Variants in TMEM132D observed in about 807,000 individuals in gnomAD.
The protein encoded by TMEM132D is mature OL transmembrane protein.
A neutral mutation model predicts 62.3 loss-of-function variants in TMEM132D; 21 were observed. The observed-to-expected ratio is 0.34, with a 90% CI of 0.24 to 0.49. The LOEUF (loss-of-function observed/expected upper bound fraction) is 0.49, where lower values mean the gene tolerates loss of function less well. Ranked by LOEUF, TMEM132D falls within the 20% of genes least tolerant of loss-of-function variation. The pLI is 0.99. For synonymous variants in TMEM132D, 621 were observed against 575.6 expected, an observed-to-expected ratio of 1.08 and a Z score of -1.13; for missense variants, 1,346 against 1,402.8, an observed-to-expected ratio of 0.96 and a Z score of 0.65.
intron 3 of TMEM132D, among the ~76,000 whole-genome samples, chr12:129,527,363 CA>C (rs772506773): frequency 1.3e-5 from 2 of 151,988 alleles, no homozygotes; most frequent in Non-Finnish European, 2.9e-5. Context: ...ACGTTATTTA[CA>C]AAAAATGTAA....
At chr12:129,559,729 T>C (rs1877161795) in intron 2 of TMEM132D, among the ~76,000 whole-genome samples, 2 of 152,300 alleles carry the variant, frequency 1.3e-5, no homozygotes, top group Admixed American at 1.3e-4. Flanking sequence ...TGGAATACAA[T>C]CCCCTCAAAA....
intron 3 of TMEM132D, among the ~76,000 whole-genome samples, chr12:129,456,839 T>C (rs986394637): frequency 6.6e-6 from 1 of 152,234 alleles, no homozygotes; most frequent in Non-Finnish European, 1.5e-5. Context: ...TAGCAGGATA[T>C]TAACAGGTAA....
Position 129,903,173 on chromosome 12 carries a change from T to C in TMEM132D, c.79+88A>G. On this transcript the variant is annotated intron_variant, in intron 1 of 8. Coordinates refer to ENST00000422113, the MANE Select transcript of TMEM132D (RefSeq NM_133448.3). The surrounding 1 kb of genome is among the most constrained non-coding windows in gnomAD (Gnocchi z 6.2). ...CACACACTTGCACACGAGCCCTCTC[T>C]CCCGGCCGCCCCCATCCTCCACACA... The C allele has an allele frequency of 7.2e-7, 1 of 1,389,530 alleles. No homozygotes were observed. Among genetic ancestry groups the C allele is most frequent in the Non-Finnish European group, 9.9e-7 (1 of 1,006,000 alleles). 86.1% of individuals were successfully genotyped at this position (1,389,530 alleles called of 1,614,324 possible).
At chr12:129,877,173 T>TAATAATTAAATTATAATTAA (rs59715068) in intron 1 of TMEM132D, among the ~76,000 whole-genome samples, 1 of 148,418 alleles carries the variant, frequency 6.7e-6, no homozygotes, top group Non-Finnish European at 1.5e-5. Flanking sequence ...AATATTATAT[T>TAATAATTAAATTATAATTAA]TATAATTATG....
At chr12:129,437,903 C>T (rs1404070631) in intron 3 of TMEM132D, among the ~76,000 whole-genome samples, 15 of 146,708 alleles carry the variant, frequency 1.0e-4, no homozygotes, top group Non-Finnish European at 6.0e-5. Flanking sequence ...CCCCTCCCCC[C>T]GACAGGCCCC....
chr12:129,561,906 C>G (rs1023050299), intron 2 of TMEM132D, among the ~76,000 whole-genome samples: 1 of 152,196 alleles, frequency 6.6e-6, no homozygotes, highest in Non-Finnish European at 1.5e-5. Context: ...TAGAGTCAGA[C>G]TCTTTGGACA....
At chr12:129,610,114 T>C (rs1878730216) in intron 2 of TMEM132D, among the ~76,000 whole-genome samples, 1 of 151,894 alleles carries the variant, frequency 6.6e-6, no homozygotes, top group Non-Finnish European at 1.5e-5. Flanking sequence ...TACTAAAAAA[T>C]ACAAAACTTA....
chr12:129,746,431 C>T lies in TMEM132D; in HGVS notation c.80-45733G>A, dbSNP rs577320722. Among the ~76,000 whole-genome samples the T allele has an allele frequency of 6.6e-5, 10 of 152,000 alleles. No homozygotes were observed. In the South Asian group the frequency reaches 1.9e-3, roughly 28 times the overall value. On this transcript the variant is annotated intron_variant, in intron 1 of 8. Coordinates refer to ENST00000422113, the MANE Select transcript of TMEM132D (RefSeq NM_133448.3). Reference sequence around the variant, plus strand: ...ATGAGAAAGAAGACAGCATCCTGGACCAGGGTCATGAAATTAGGAGACGGG... The same window carrying T: ...ATGAGAAAGAAGACAGCATCCTGGATCAGGGTCATGAAATTAGGAGACGGG...
At chr12:129,701,972 C>T (rs891435312) in intron 1 of TMEM132D, among the ~76,000 whole-genome samples, 7 of 152,198 alleles carry the variant, frequency 4.6e-5, no homozygotes, top group African/African-American at 1.4e-4. Flanking sequence ...CTTTGTGAGA[C>T]GATGAGCAGG....
rs185206665 is a variant in TMEM132D, at chr12:129,481,785, C to T, written c.1115+49274G>A. Among the ~76,000 whole-genome samples the T allele has an allele frequency of 2.8e-4, 43 of 151,808 alleles. No homozygotes were observed. In the South Asian group the frequency reaches 4.2e-3, roughly 15 times the overall value. On this transcript the variant is annotated intron_variant, in intron 3 of 8. Coordinates refer to ENST00000422113, the MANE Select transcript of TMEM132D (RefSeq NM_133448.3). ...TTATAAAAATTAAAACTGCACATAT[C>T]CTGGAATCCAGTAACCTTGTTCTTT...
intron 3 of TMEM132D, among the ~76,000 whole-genome samples, chr12:129,356,282 A>T (rs1439211284): frequency 3.2e-5 from 2 of 62,390 alleles, no homozygotes; most frequent in African/African-American, 1.5e-4. Context: ...TCAGCCTCCC[A>T]AGTAGCTGGG....
At chr12:129,832,731 G>A (rs528268650) in intron 1 of TMEM132D, among the ~76,000 whole-genome samples, 19 of 152,264 alleles carry the variant, frequency 1.2e-4, no homozygotes, top group East Asian at 1.9e-4. Flanking sequence ...CATTCCGCCC[G>A]TCACTGTTGC....
At position 129,074,610 on chromosome 12, in the gene TMEM132D, G is replaced by C; in HGVS notation, c.2565C>G (p.Thr855=). The change falls in exon 9 of 9, where the codon ACC becomes ACG. Residue 855 remains threonine (T), a synonymous_variant. Coordinates refer to ENST00000422113, the MANE Select transcript of TMEM132D (RefSeq NM_133448.3). ...TCTGCAGGATGGACCTGTCTGTCGTGGTGCCCCGTCCCTCCATGAGTCCCA... is the reference window on the plus strand; with the variant it reads ...TCTGCAGGATGGACCTGTCTGTCGTCGTGCCCCGTCCCTCCATGAGTCCCA... ...SSMGLMEGRG[T]TTDRSILQKK... is the part of the protein sequence containing the mutation. 1 of 1,614,004 alleles carries C rather than the reference G, an allele frequency of 6.2e-7. No homozygotes were observed. Among genetic ancestry groups the C allele is most frequent in the Non-Finnish European group, 8.5e-7 (1 of 1,180,014 alleles).
chr12:129,093,164 G>T (rs1874987679), intron 5 of TMEM132D, among the ~76,000 whole-genome samples: 1 of 152,126 alleles, frequency 6.6e-6, no homozygotes, highest in Non-Finnish European at 1.5e-5. Context: ...ATGGGCTTCG[G>T]GTCAGCAGGG....
At chr12:129,443,063 G>A (rs7487660) in intron 3 of TMEM132D, among the ~76,000 whole-genome samples, 21,419 of 152,076 alleles carry the variant, frequency 0.14, 1,687 homozygotes, top group South Asian at 0.27. Context: ...CATCTTTGAA[G>A]GGCCAGCCCA....
intron 2 of TMEM132D, among the ~76,000 whole-genome samples, chr12:129,538,743 A>G (rs965339054): frequency 6.6e-6 from 1 of 152,228 alleles, no homozygotes; most frequent in Admixed American, 6.5e-5. Flanking sequence ...TGACGATGAG[A>G]GGTAATAAAA....
chr12:129,828,911 T>C (rs995968221), intron 1 of TMEM132D, among the ~76,000 whole-genome samples: 1 of 151,464 alleles, frequency 6.6e-6, no homozygotes, highest in African/African-American at 2.4e-5. Flanking sequence ...CCCAGAGCCA[T>C]CTGCACCTTG....
intron 2 of TMEM132D, among the ~76,000 whole-genome samples, chr12:129,638,150 T>G (rs1879536425): frequency 6.6e-6 from 1 of 152,168 alleles, no homozygotes; most frequent in Non-Finnish European, 1.5e-5. Context: ...AATGTCAAAG[T>G]GATACAGTAC....
chr12:129,343,531 A>T (rs545223806), intron 3 of TMEM132D, among the ~76,000 whole-genome samples: 1 of 152,316 alleles, frequency 6.6e-6, no homozygotes, highest in Admixed American at 6.5e-5. Context: ...CATATGTAAC[A>T]AACCTGCACG....
Sources: gnomAD v4.1 joint callset for allele counts (sites outside exome capture counted in the v4.1 genomes callset) on GRCh38, gnomAD v4.1.1 for gene constraint, Gnocchi (gnomAD v3.1) non-coding constraint, MANE v1.5 for transcripts, NCBI Gene and HGNC (gene_info 2026-07-23, HGNC 2026-07-21) for gene names.